Variants in SHF observed in about 807,000 individuals in gnomAD.
SHF encodes the protein Src homology 2 domain containing F, also known as SH2 domain-containing adapter protein F.
A neutral mutation model predicts 42.4 loss-of-function variants in SHF; 30 were observed. That is an observed-to-expected ratio of 0.71 (90% CI 0.53 to 0.96). The LOEUF (loss-of-function observed/expected upper bound fraction) is 0.96, where lower values mean the gene tolerates loss of function less well. Ranked by LOEUF, SHF falls within the 40% of genes least tolerant of loss-of-function variation. SHF has a pLI of 0.00. For synonymous variants in SHF, 264 were observed against 269.9 expected (o/e 0.98, Z 0.21); for missense variants, 598 against 634.0 (o/e 0.94, Z 0.61).
At chr15:45,178,111 C>G (rs899164053) in intron 2 of SHF, 54 bp downstream of exon 2, 13 of 1,569,436 alleles carry the variant, frequency 8.3e-6, no homozygotes, top group African/African-American at 1.4e-5. Flanking sequence ...GTCGCAAAGC[C>G]TGTTCTGCAG....
chr15:45,199,226 C>T (rs1279458430), intron 1 of SHF: 3 of 848,246 alleles, frequency 3.5e-6, no homozygotes, highest in East Asian at 5.5e-5. Context: ...GCCCTGACTC[C>T]TCCTGACTCC....
At chr15:45,172,404 T>G in intron 4 of SHF, 86 bp from the exon 5 acceptor site, 1 of 1,354,746 alleles carries the variant, frequency 7.4e-7, no homozygotes, top group East Asian at 2.5e-5. Context: ...CAACCCCTAC[T>G]TCTTCCAGCC....
chr15:45,186,969 A>G (rs1036097552), intron 1 of SHF, among the ~76,000 whole-genome samples: 2 of 152,206 alleles, frequency 1.3e-5, no homozygotes, highest in Admixed American at 6.5e-5. Flanking sequence ...GGCTGGAGAA[A>G]CAGGAGGAGG....
At chr15:45,198,686 G>A (rs989220436) in intron 2 of SHF, 26 of 1,503,320 alleles carry the variant, frequency 1.7e-5, no homozygotes, top group African/African-American at 2.8e-5. Flanking sequence ...GCGAGCTACC[G>A]GGGACCCGTA....
chr15:45,171,409 T>C, intron 6 of SHF: 1 of 167,116 alleles, frequency 6.0e-6, no homozygotes. Context: ...CTGCCCTCCT[T>C]CCAGGAACCA....
At chr15:45,189,892 T>C (rs1284101770), upstream of SHF, among the ~76,000 whole-genome samples, 2 of 152,134 alleles carry the variant, frequency 1.3e-5, no homozygotes, top group African/African-American at 4.8e-5. Flanking sequence ...CCCAGGTACC[T>C]GGGAGGTTGA....
intron 1 of SHF, among the ~76,000 whole-genome samples, chr15:45,184,400 G>A (rs1260319706): frequency 1.3e-5 from 2 of 152,094 alleles, no homozygotes; most frequent in Non-Finnish European, 2.9e-5. Flanking sequence ...GAAACCCTAC[G>A]AGAATCTAAG....
At chr15:45,201,016 G>C in exon 1 of SHF, 1 of 348,370 alleles carries the variant, frequency 2.9e-6, no homozygotes, top group Non-Finnish European at 5.7e-6. Flanking sequence ...CAGCGCTCCC[G>C]GCTGCTCTTG....
chr15:45,167,918 AGGTCTATCACAGTGCCCT>A lies in SHF; in HGVS notation c.*11_*28del, dbSNP rs1167635794. The A allele has an allele frequency of 6.5e-7, 1 of 1,546,082 alleles. No homozygotes were observed. The highest frequency in any genetic ancestry group is 8.8e-7 in the Non-Finnish European group (1 of 1,139,312). On this transcript the variant is annotated 3_prime_UTR_variant, in exon 7 of 7. Transcript: ENST00000690270. Reference sequence around the variant, plus strand: ...AGGTGATGGGCACAGGGCTGGGTACAGGTCTATCACAGTGCCCTGGCTTCACATCTAAAGAGTCCGGAT... The same window carrying A: ...AGGTGATGGGCACAGGGCTGGGTACAGGCTTCACATCTAAAGAGTCCGGAT...
chr15:45,197,727 T>C (rs1486765137), intron 2 of SHF, among the ~76,000 whole-genome samples: 1 of 151,748 alleles, frequency 6.6e-6, no homozygotes, highest in African/African-American at 2.4e-5. Flanking sequence ...TAGGTAGAGA[T>C]TCACATCCTT....
Position 45,173,599 on chromosome 15 carries a change from TCAGG to T in SHF, c.961_964del (p.Pro321SerfsTer44). 1 of 1,540,370 alleles carries T rather than the reference TCAGG, an allele frequency of 6.5e-7. No homozygotes were observed. The highest frequency in any genetic ancestry group is 8.8e-7 in the Non-Finnish European group (1 of 1,141,602). On this transcript the variant is annotated frameshift_variant, in exon 4 of 7. Coordinates refer to ENST00000690270, the MANE Select transcript of SHF (RefSeq NM_001394037.1). LOFTEE classifies it high-confidence loss of function. ...ACCGCTGCTGTCCTCCAGGCTGGGC[TCAGG>T]GAGGGGCGAGGCTGGACCGGAGATG...
At chr15:45,201,108 G>A (rs1006303251) in exon 1 of SHF, 8 of 334,306 alleles carry the variant, frequency 2.4e-5, no homozygotes, top group African/African-American at 1.7e-4. Context: ...AGACGAGAAG[G>A]GCAACACTGG....
chr15:45,187,616 C>A lies in SHF; in HGVS notation c.336G>T (p.Gly112=). Residue 112 remains glycine, a synonymous_variant, in exon 1 of 7, where the codon GGG becomes GGT. Transcript: ENST00000690270. ...TGGCGAGGGCGGCGGAGCCGGACGACCCCCCGGAGTAGGGGTCTTCGAAGT... is the reference window on the plus strand; with the variant it reads ...TGGCGAGGGCGGCGGAGCCGGACGAACCCCCGGAGTAGGGGTCTTCGAAGT... The part of the protein sequence containing the change: ...ERDFEDPYSG[G]SSGSAALATP... 1 of 1,229,252 alleles carries A rather than the reference C, an allele frequency of 8.1e-7. No individual in the cohort carries two copies. Among genetic ancestry groups the A allele is most frequent in the Non-Finnish European group, 1.0e-6 (1 of 986,194 alleles). 76.1% of individuals were successfully genotyped at this position (1,229,252 alleles called of 1,614,324 possible). A position where few individuals can be genotyped will look rare whatever the true frequency, so the allele number is the denominator to read the frequency against.
upstream of SHF, among the ~76,000 whole-genome samples, chr15:45,191,133 T>C (rs1265485533): frequency 6.6e-6 from 1 of 152,192 alleles, no homozygotes; most frequent in African/African-American, 2.4e-5. Context: ...GGCACAATCA[T>C]AGCTCACTGC....
At position 45,175,911 on chromosome 15, in the gene SHF, C is replaced by T. The variant is rs1451471147; in HGVS notation, c.641-486G>A. ...TCGGCTCACTACAACCTCCGCCTCCCCGGTTCAAGCGATTCTCCCACCTCA... is the reference window on the plus strand; with the variant it reads ...TCGGCTCACTACAACCTCCGCCTCCTCGGTTCAAGCGATTCTCCCACCTCA... On this transcript the variant is annotated intron_variant, in intron 2 of 6. Coordinates refer to ENST00000690270, the MANE Select transcript of SHF (RefSeq NM_001394037.1). Among the ~76,000 whole-genome samples the T allele has an allele frequency of 2.0e-5, 3 of 151,788 alleles. No individual in the cohort carries two copies. The South Asian group carries it at 6.3e-4, about 32-fold the overall frequency.
At chr15:45,170,503 T>C in intron 6 of SHF, 2 of 1,206,482 alleles carry the variant, frequency 1.7e-6, no homozygotes, top group Non-Finnish European at 2.2e-6. Flanking sequence ...AGCGATAATC[T>C]ATCAACTCAT....
Position 45,194,743 on chromosome 15 carries a change from G to C in SHF, c.303+4029C>G, listed in dbSNP as rs142538485. ...TCCAGAATCACTTTGTACCTCCCCTGCTGCAGACTTAGAATCAGTCATTTC... is the reference window on the plus strand; with the variant it reads ...TCCAGAATCACTTTGTACCTCCCCTCCTGCAGACTTAGAATCAGTCATTTC... On this transcript the variant is annotated intron_variant, in intron 2 of 7. Coordinates refer to the SHF transcript ENST00000290894. Among the ~76,000 whole-genome samples, 229 of 152,268 alleles carry C rather than the reference G, an allele frequency of 1.5e-3. 2 individuals carry two copies. The highest frequency in any genetic ancestry group is 5.4e-3 in the Admixed American group (83 of 15,304).
chr15:45,189,579 G>A (rs565744198), upstream of SHF, among the ~76,000 whole-genome samples: 3 of 151,922 alleles, frequency 2.0e-5, no homozygotes, highest in South Asian at 6.2e-4. Context: ...TAGTAGAGAT[G>A]GAGTTTCACC....
chr15:45,180,258 C>T (rs966899353), intron 1 of SHF, among the ~76,000 whole-genome samples: 11 of 152,192 alleles, frequency 7.2e-5, no homozygotes, highest in African/African-American at 2.7e-4. Context: ...GAGCCCTTCA[C>T]CCCTAGTCCT....
Sources: allele counts gnomAD v4.1 joint callset (sites outside exome capture counted in the v4.1 genomes callset), GRCh38; gene constraint gnomAD v4.1.1; transcripts MANE v1.5; gene names NCBI Gene and HGNC (gene_info 2026-07-23, HGNC 2026-07-21).